The following KCNIP1 variants were observed in gnomAD, a reference collection of about 807,000 sequenced individuals.
KCNIP1 encodes the protein potassium voltage-gated channel interacting protein 1, also known as A-type potassium channel modulatory protein KCNIP1.
Under a neutral mutation model 33.0 loss-of-function variants are expected in KCNIP1, and 18 were observed. The observed-to-expected ratio is 0.55, with a 90% confidence interval of 0.38 to 0.81. The LOEUF (loss-of-function observed/expected upper bound fraction) is 0.81, where lower values mean the gene tolerates loss of function less well. Among genes scored for constraint, KCNIP1 ranks in the 30% least tolerant of loss-of-function variants. The pLI is 0.00. For synonymous variants in KCNIP1, 93 were observed against 98.3 expected (o/e 0.95, Z 0.32); for missense variants, 238 against 271.6 (o/e 0.88, Z 0.87).
intron 1 of KCNIP1, among the ~76,000 whole-genome samples, chr5:170,714,299 A>G (rs964366083): frequency 1.3e-5 from 2 of 152,202 alleles, no homozygotes; most frequent in Non-Finnish European, 2.9e-5. Flanking sequence ...GGAAAGCAGA[A>G]TCCACTGTGG....
chr5:170,734,192 A>AT (rs5873235), intron 7 of KCNIP1, among the ~76,000 whole-genome samples: 33,823 of 151,814 alleles, frequency 0.22, 5,079 homozygotes, highest in East Asian at 0.78. Context: ...CAACACCATT[A>AT]TTTTTTAGCC....
chr5:170,550,117 C>A (rs111961411), intron 1 of KCNIP1, among the ~76,000 whole-genome samples: 1 of 152,070 alleles, frequency 6.6e-6, no homozygotes. Context: ...GGATCACAGC[C>A]GTGGAACAGG....
chr5:170,397,919 C>T (rs1235559770), intron 1 of KCNIP1, among the ~76,000 whole-genome samples: 6 of 152,130 alleles, frequency 3.9e-5, no homozygotes, highest in Non-Finnish European at 7.3e-5. Flanking sequence ...TAGATTTAAA[C>T]ATTTTCTGAT....
At chr5:170,561,451 A>G (rs1037128346) in intron 1 of KCNIP1, among the ~76,000 whole-genome samples, 1 of 152,186 alleles carries the variant, frequency 6.6e-6, no homozygotes, top group African/African-American at 2.4e-5. Context: ...GCCACCACCA[A>G]AGGCACGTGG....
In KCNIP1 at chr5:170,431,949, T is replaced by A. The variant is rs555620394; in HGVS notation, c.88+77985T>A. ...TCTCTAAGGCTCAGGCCTGAGGGGTTGCTGGTGGGCAGATTCCATCTCATG... is the reference window on the plus strand; with the variant it reads ...TCTCTAAGGCTCAGGCCTGAGGGGTAGCTGGTGGGCAGATTCCATCTCATG... On this transcript the variant is annotated intron_variant, in intron 1 of 7. Coordinates refer to the KCNIP1 transcript ENST00000377360. Among the ~76,000 whole-genome samples the A allele has an allele frequency of 5.9e-5, 9 of 152,298 alleles. No homozygotes were observed. The South Asian group carries it at 1.5e-3, about 25-fold the overall frequency.
chr5:170,707,352 T>A (rs763594585), intron 1 of KCNIP1, among the ~76,000 whole-genome samples: 23 of 152,294 alleles, frequency 1.5e-4, no homozygotes, highest in Admixed American at 1.2e-3. Flanking sequence ...GAGTCCCTAA[T>A]GTACATGGCC....
At position 170,699,555 on chromosome 5, in the gene KCNIP1, TGA is replaced by T. The variant is rs1491202589; in HGVS notation, c.62-19202_62-19201del. Among the ~76,000 whole-genome samples, 146 of 118,190 alleles carry T rather than the reference TGA, an allele frequency of 1.2e-3. 3 individuals are homozygous for T. Among genetic ancestry groups the T allele is most frequent in the Middle Eastern group, 8.7e-3 (2 of 230 alleles). The allele number at this position is 118,190 out of a possible 152,430, so 77.5% of individuals were successfully genotyped here. A position where few individuals can be genotyped will look rare whatever the true frequency, so the allele number is the denominator to read the frequency against. ...CTAAAATAAGAATTAAATTGCTCTG[TGA>T]AAAAAAAAAAAAAAAAAAAAAGTTT... is the stretch of plus-strand genomic sequence containing the variant. On this transcript the variant is annotated intron_variant, in intron 1 of 7. Coordinates refer to ENST00000328939, the MANE Select transcript of KCNIP1 (RefSeq NM_014592.4).
chr5:170,442,511 G>T (rs13182150), intron 1 of KCNIP1, among the ~76,000 whole-genome samples: 3 of 151,976 alleles, frequency 2.0e-5, no homozygotes, highest in African/African-American at 7.2e-5. Flanking sequence ...ACAGGGCCTC[G>T]TTCTGCGTTC....
chr5:170,490,283 C>T (rs1244941818), intron 1 of KCNIP1, among the ~76,000 whole-genome samples: 1 of 152,250 alleles, frequency 6.6e-6, no homozygotes, highest in African/African-American at 2.4e-5. Flanking sequence ...GGCCATGTCC[C>T]TGACCCAGCT....
At chr5:170,395,238 C>T (rs1754728941) in intron 1 of KCNIP1, among the ~76,000 whole-genome samples, 1 of 152,202 alleles carries the variant, frequency 6.6e-6, no homozygotes, top group East Asian at 1.9e-4. Context: ...ATTCCCTTTT[C>T]TCTGCAGCCT....
chr5:170,507,963 G>T (rs930637577), intron 1 of KCNIP1, among the ~76,000 whole-genome samples: 1 of 152,136 alleles, frequency 6.6e-6, no homozygotes, highest in East Asian at 1.9e-4. Context: ...AGTTTTGCAT[G>T]TGCATGACAC....
intron 1 of KCNIP1, among the ~76,000 whole-genome samples, chr5:170,482,184 A>C (rs1234871937): frequency 6.6e-6 from 1 of 152,122 alleles, no homozygotes; most frequent in African/African-American, 2.4e-5. Flanking sequence ...TGATAACAGG[A>C]AAGACACTTC....
intron 1 of KCNIP1, among the ~76,000 whole-genome samples, chr5:170,379,323 G>A (rs2301146): frequency 0.094 from 14,282 of 152,038 alleles, 703 homozygotes; most frequent in Middle Eastern, 0.21. Context: ...GGTGAATATC[G>A]GTTTCAAAGG....
chr5:170,641,594 G>C (rs1278923971), intron 1 of KCNIP1, among the ~76,000 whole-genome samples: 2 of 152,252 alleles, frequency 1.3e-5, no homozygotes, highest in Non-Finnish European at 2.9e-5. Flanking sequence ...TTCATGCGTG[G>C]ACTTCTGTCC....
chr5:170,497,027 A>G lies in KCNIP1; in HGVS notation c.88+143063A>G, dbSNP rs116360886. Among the ~76,000 whole-genome samples the G allele has an allele frequency of 3.1e-3, 475 of 151,742 alleles. 2 individuals are homozygous for G. Among genetic ancestry groups the G allele is most frequent in the African/African-American group, 9.7e-3 (402 of 41,288 alleles). On this transcript the variant is annotated intron_variant, in intron 1 of 7. Transcript: ENST00000377360. The stretch of plus-strand genomic sequence containing the variant: ...GAGAGGGATCTCGGTGAAGTCTGGG[A>G]TGTTATAGTGACTTGTTTATCTAAG...
chr5:170,728,320 T>C (rs1398366726), intron 5 of KCNIP1, among the ~76,000 whole-genome samples: 2 of 152,176 alleles, frequency 1.3e-5, no homozygotes, highest in Admixed American at 6.5e-5. Flanking sequence ...TCACCACTGT[T>C]TAACATTTCC....
At chr5:170,600,838 C>T (rs910587305) in intron 1 of KCNIP1, among the ~76,000 whole-genome samples, 4 of 152,314 alleles carry the variant, frequency 2.6e-5, no homozygotes, top group East Asian at 3.9e-4. Flanking sequence ...TCACACTCCA[C>T]GGTCGCTGTG....
rs147643922 is a variant in KCNIP1, at chr5:170,414,247, TG to T, written c.88+60284del. Among the ~76,000 whole-genome samples, 57 of 152,362 alleles carry T rather than the reference TG, an allele frequency of 3.7e-4. No individual in the cohort carries two copies. In the East Asian group the frequency reaches 0.01, roughly 27 times the overall value. Reference sequence around the variant, plus strand: ...GCTGTGAGACATGCAATCAACCCGATGAAGCTTTTTAGGAAAAAGTCTATTG... The same window carrying T: ...GCTGTGAGACATGCAATCAACCCGATAAGCTTTTTAGGAAAAAGTCTATTG... On this transcript the variant is annotated intron_variant, in intron 1 of 7. Transcript: ENST00000377360.
At position 170,721,833 on chromosome 5, in the gene KCNIP1, A is replaced by C; in HGVS notation, c.257A>C (p.Asp86Ala). The C allele has an allele frequency of 6.2e-7, 1 of 1,614,072 alleles. No homozygotes were observed. The change falls in exon 4 of 8, where the codon GAT becomes GCT. Residue 86 changes from aspartate (D) to alanine (A), a missense_variant and splice_region_variant. Transcript: ENST00000328939. ...CCTGCCCTCCTTTTCTGCCTTGTAG[A>C]TGCCAGCACGTATGCCCATTACCTC... is the stretch of plus-strand genomic sequence containing the variant. ...QIYAQFFPHG[D>A]ASTYAHYLFN...
Sources: gnomAD v4.1 joint callset for allele counts (sites outside exome capture counted in the v4.1 genomes callset) on GRCh38, gnomAD v4.1.1 for gene constraint, MANE v1.5 for transcripts, NCBI Gene and HGNC (gene_info 2026-07-23, HGNC 2026-07-21) for gene names.